GIGYF2: variants seen among roughly 807,000 people sequenced by gnomAD.
GIGYF2 encodes the protein GRB10 interacting GYF protein 2, also known as GRB10-interacting GYF protein 2.
GIGYF2 carries 25 observed loss-of-function variants against 208.1 expected under a neutral mutation model. The observed-to-expected ratio is 0.12, with a 90% CI of 0.09 to 0.17. GIGYF2 has a LOEUF of 0.17. Ranked by LOEUF, GIGYF2 falls within the 10% of genes least tolerant of loss-of-function variation. GIGYF2 has a pLI of 1.00. For missense variants in GIGYF2, 1,302 were observed against 1,579.4 expected (o/e 0.82, Z 2.98); for synonymous variants, 534 against 543.8 (o/e 0.98, Z 0.25).
intron 8 of GIGYF2, among the ~76,000 whole-genome samples, chr2:232,762,476 C>G (rs1365284225): frequency 6.6e-6 from 1 of 151,998 alleles, no homozygotes; most frequent in Non-Finnish European, 1.5e-5. Context: ...TGATCTTGAA[C>G]TCCTGACCTC....
intron 4 of GIGYF2, among the ~76,000 whole-genome samples, chr2:232,748,605 A>G (rs903414895): frequency 1.3e-5 from 2 of 152,154 alleles, no homozygotes; most frequent in Admixed American, 6.6e-5. Flanking sequence ...TTTGTTTTTC[A>G]GTGATCGAGA....
intron 22 of GIGYF2, among the ~76,000 whole-genome samples, chr2:232,833,480 G>A (rs1387180668): frequency 6.6e-6 from 1 of 152,142 alleles, no homozygotes; most frequent in Admixed American, 6.5e-5. Flanking sequence ...TTTCTTTATC[G>A]TTGAATATTA....
At chr2:232,735,596 C>A in intron 3 of GIGYF2, 2 of 453,998 alleles carry the variant, frequency 4.4e-6, no homozygotes, top group Non-Finnish European at 6.0e-6. Flanking sequence ...ATTGTTTTAT[C>A]ATTGCTGTTC....
intron 8 of GIGYF2, among the ~76,000 whole-genome samples, chr2:232,778,155 T>C (rs977700379): frequency 4.6e-5 from 7 of 152,008 alleles, no homozygotes; most frequent in African/African-American, 1.7e-4. Context: ...AGGCTGGTCT[T>C]GAACTCCTGG....
intron 8 of GIGYF2, chr2:232,766,794 C>T (rs903933235): frequency 6.6e-6 from 1 of 152,176 alleles, no homozygotes; most frequent in Non-Finnish European, 1.5e-5. Flanking sequence ...CTTTACTCAG[C>T]TAGTATTTAT....
In GIGYF2 at chr2:232,844,886, A is replaced by T. The variant is rs113711872; in HGVS notation, c.3305+312A>T. Reference sequence around the variant, plus strand: ...AACATTTCTCCAAGGTATTCTCTAGATACCTTAGCATTTTTCCTATATTTG... The same window carrying T: ...AACATTTCTCCAAGGTATTCTCTAGTTACCTTAGCATTTTTCCTATATTTG... On this transcript the variant is annotated intron_variant, in intron 25 of 28. Transcript: ENST00000373563. Among the ~76,000 whole-genome samples the T allele has an allele frequency of 5.7e-3, 872 of 152,300 alleles. 3 individuals are homozygous for T. The highest frequency in any genetic ancestry group is 0.02 in the African/African-American group (831 of 41,544).
In GIGYF2 at chr2:232,849,394, G is replaced by A. The variant is rs183165507; in HGVS notation, c.3685-868G>A. ...TTGGCCAGGCTGGTCTTGAACTCCC[G>A]ACCTCATGATCCGCCCTCCTCAGCC... On this transcript the variant is annotated intron_variant, in intron 27 of 28. Coordinates refer to ENST00000373563, the MANE Select transcript of GIGYF2 (RefSeq NM_001103146.3). Among the ~76,000 whole-genome samples the A allele has an allele frequency of 5.1e-3, 772 of 152,194 alleles. 11 individuals are homozygous for A. The highest frequency in any genetic ancestry group is 0.018 in the African/African-American group (750 of 41,522).
intron 14 of GIGYF2, among the ~76,000 whole-genome samples, chr2:232,799,819 A>G (rs1009502743): frequency 9.9e-5 from 15 of 152,082 alleles, no homozygotes; most frequent in Admixed American, 9.8e-4. Flanking sequence ...TAGCCATCCT[A>G]ATGGGTGTGA....
At chr2:232,738,287 T>G (rs970783612) in intron 3 of GIGYF2, among the ~76,000 whole-genome samples, 4 of 152,168 alleles carry the variant, frequency 2.6e-5, no homozygotes, top group Non-Finnish European at 5.9e-5. Context: ...AATAAAAAAG[T>G]ATATTGCATT....
intron 8 of GIGYF2, among the ~76,000 whole-genome samples, chr2:232,785,454 A>G (rs1273391865): frequency 6.6e-6 from 1 of 152,196 alleles, no homozygotes; most frequent in South Asian, 2.1e-4. Flanking sequence ...GTTCTTTGCC[A>G]TGCAAGCTTC....
At chr2:232,775,683 A>G (rs1216152240) in intron 8 of GIGYF2, among the ~76,000 whole-genome samples, 1 of 152,220 alleles carries the variant, frequency 6.6e-6, no homozygotes, top group Admixed American at 6.5e-5. Context: ...ATCAGAATTC[A>G]TTCTACTCAT....
chr2:232,747,525 G>T (rs1698189354), intron 3 of GIGYF2, 90 bp from the exon 4 acceptor site: 3 of 1,388,078 alleles, frequency 2.2e-6, no homozygotes, highest in African/African-American at 1.4e-5. Context: ...CTCTTCTAAA[G>T]AACTAAAATG....
At chr2:232,782,724 CT>C (rs1699760900) in intron 8 of GIGYF2, 1 of 152,154 alleles carries the variant, frequency 6.6e-6, no homozygotes, top group Non-Finnish European at 1.5e-5. Flanking sequence ...AGCATGGCCC[CT>C]GTGCAAGGAG....
chr2:232,833,135 T>C, intron 22 of GIGYF2, 42 bp downstream of exon 22: 1 of 1,387,690 alleles, frequency 7.2e-7, no homozygotes, highest in South Asian at 1.2e-5. Flanking sequence ...CTTGCTAACA[T>C]TTTTTAGTTA....
intron 27 of GIGYF2, among the ~76,000 whole-genome samples, chr2:232,849,710 G>A (rs1690235006): frequency 6.6e-6 from 1 of 152,206 alleles, no homozygotes; most frequent in Admixed American, 6.5e-5. Flanking sequence ...CCACAAGTAG[G>A]CGTGAAGGGC....
chr2:232,788,608 T>C (rs576693366), intron 9 of GIGYF2: 1 of 469,856 alleles, frequency 2.1e-6, no homozygotes, highest in South Asian at 1.6e-5. Flanking sequence ...TTTTGGAAGA[T>C]GAACTGTGTT....
At chr2:232,796,690 C>G (rs1700232453) in intron 14 of GIGYF2, among the ~76,000 whole-genome samples, 1 of 152,168 alleles carries the variant, frequency 6.6e-6, no homozygotes, top group South Asian at 2.1e-4. Context: ...GAAACTCCAT[C>G]TCTACTAAAA....
chr2:232,745,153 C>T (rs1324179429), intron 3 of GIGYF2, among the ~76,000 whole-genome samples: 1 of 152,074 alleles, frequency 6.6e-6, no homozygotes, highest in African/African-American at 2.4e-5. Flanking sequence ...ATGTTGTTTG[C>T]TTACCTGGTT....
chr2:232,837,543 C>T lies in GIGYF2; in HGVS notation c.2767-2306C>T, dbSNP rs368400342. On this transcript the variant is annotated intron_variant, in intron 22 of 28. Transcript: ENST00000373563. ...GATCTCAGCTCACTGCAACCTCCGC[C>T]TCCTGAGTTCAAGCGATCCTCCTGG... Among the ~76,000 whole-genome samples, 18 of 152,254 alleles carry T rather than the reference C, an allele frequency of 1.2e-4. No individual in the cohort carries two copies. In the East Asian group the frequency reaches 3.5e-3, roughly 29 times the overall value.
Sources: gnomAD v4.1 joint callset for allele counts (sites outside exome capture counted in the v4.1 genomes callset) on GRCh38, gnomAD v4.1.1 for gene constraint, MANE v1.5 for transcripts, NCBI Gene and HGNC (gene_info 2026-07-23, HGNC 2026-07-21) for gene names.